Variants in CERKL observed in about 807,000 individuals in gnomAD.
CERKL encodes the protein ceramide kinase-like protein.
In CERKL, 61 loss-of-function variants were observed where a neutral mutation model predicts 63.4. The observed-to-expected ratio is 0.96, with a 90% CI of 0.78 to 1.19. The LOEUF (loss-of-function observed/expected upper bound fraction) is 1.19, where lower values mean the gene tolerates loss of function less well. CERKL is among the 50% of genes most tolerant of loss of function. The pLI, the probability that CERKL is intolerant of heterozygous loss-of-function variation, is 0.00. For synonymous variants in CERKL, 250 were observed against 230.5 expected (o/e 1.08, Z -0.77); for missense variants, 675 against 655.5 (o/e 1.03, Z -0.33).
At chr2:181,554,354 T>C (rs1574442944) in intron 5 of CERKL, among the ~76,000 whole-genome samples, 2 of 152,134 alleles carry the variant, frequency 1.3e-5, no homozygotes, top group East Asian at 3.9e-4. Context: ...ACCTACACTT[T>C]GGTTCTTTGC....
At chr2:181,620,397 T>C (rs928641760) in intron 1 of CERKL, among the ~76,000 whole-genome samples, 1 of 152,212 alleles carries the variant, frequency 6.6e-6, no homozygotes, top group Non-Finnish European at 1.5e-5. Flanking sequence ...CACAGCCCTC[T>C]AAATTGTCCA....
At chr2:181,546,279 A>C (rs1307994383) in intron 10 of CERKL, among the ~76,000 whole-genome samples, 1 of 152,154 alleles carries the variant, frequency 6.6e-6, no homozygotes, top group South Asian at 2.1e-4. Flanking sequence ...TTGTTCCCAG[A>C]AGAGCAGGTC....
chr2:181,589,482 CTA>C (rs528226548), intron 2 of CERKL, among the ~76,000 whole-genome samples: 1 of 152,150 alleles, frequency 6.6e-6, no homozygotes, highest in South Asian at 2.1e-4. Flanking sequence ...AGCTTTACGC[CTA>C]TGTTTTCTTT....
chr2:181,604,589 A>C (rs967142815), intron 1 of CERKL, among the ~76,000 whole-genome samples: 3 of 152,220 alleles, frequency 2.0e-5, no homozygotes, highest in African/African-American at 7.2e-5. Context: ...CCAAGAACAT[A>C]AACAAAGCGA....
chr2:181,636,993 T>C (rs1285807994), intron 1 of CERKL, among the ~76,000 whole-genome samples: 1 of 152,178 alleles, frequency 6.6e-6, no homozygotes, highest in Non-Finnish European at 1.5e-5. Flanking sequence ...TGGAACCTTC[T>C]AGAGACCCCA....
At chr2:181,634,859 A>G (rs1687107319) in intron 1 of CERKL, among the ~76,000 whole-genome samples, 1 of 152,194 alleles carries the variant, frequency 6.6e-6, no homozygotes, top group Non-Finnish European at 1.5e-5. Flanking sequence ...ATAACTTAGT[A>G]GTGTATTATC....
chr2:181,656,471 ACT>A (rs776484340), intron 1 of CERKL, among the ~76,000 whole-genome samples: 1 of 151,518 alleles, frequency 6.6e-6, no homozygotes, highest in Non-Finnish European at 1.5e-5. Flanking sequence ...TTCTGCTGAG[ACT>A]CTGAGCAAAA....
Position 181,565,378 on chromosome 2 carries a change from T to C in CERKL, c.677+680A>G. 5 of 1,267,224 alleles carry C rather than the reference T, an allele frequency of 3.9e-6. 1 individual carries two copies. The highest frequency in any genetic ancestry group is 3.6e-5 in the South Asian group (3 of 84,048). The allele number at this position is 1,267,224 out of a possible 1,614,324, so 78.5% of individuals were successfully genotyped here. A position where few individuals can be genotyped will look rare whatever the true frequency, so the allele number is the denominator to read the frequency against. On this transcript the variant is annotated intron_variant, in intron 4 of 12. Transcript: ENST00000410087. ...AGTCTTACACATCAGTCCAACACTTTAGCAAATTGGTTCACCTAATTTTAA... is the reference window on the plus strand; with the variant it reads ...AGTCTTACACATCAGTCCAACACTTCAGCAAATTGGTTCACCTAATTTTAA...
Position 181,656,872 on chromosome 2 carries a change from C to T in CERKL, c.135G>A (p.Arg45=), listed in dbSNP as rs1443342562. Residue 45 remains arginine, a synonymous_variant, in exon 1 of 13, where the codon CGG becomes CGA. Transcript: ENST00000410087. ...TCTCGAAGATGCCCCGGAGCAGAAT[C>T]CGCTCGGCCGCCGCCTCCGTCTGCT... ...SPQQTEAAAE[R]ILLRGIFEIG... is the part of the protein sequence containing the mutation. 1.6e-5 allele frequency: 26 copies of T among 1,604,934 alleles called. No homozygotes were observed. The highest frequency in any genetic ancestry group is 2.2e-5 in the Non-Finnish European group (26 of 1,174,466).
At chr2:181,577,859 A>G (rs1684321911) in intron 2 of CERKL, among the ~76,000 whole-genome samples, 1 of 152,142 alleles carries the variant, frequency 6.6e-6, no homozygotes, top group African/African-American at 2.4e-5. Flanking sequence ...GCTAATGTCA[A>G]AGCTGGGAAA....
In CERKL at chr2:181,558,884, G is replaced by A. The variant is rs1688319822; in HGVS notation, c.678-176C>T. Among the ~76,000 whole-genome samples the A allele has an allele frequency of 6.6e-6, 1 of 152,052 alleles. No homozygotes were observed. The highest frequency in any genetic ancestry group is 1.5e-5 in the Non-Finnish European group (1 of 68,014). On this transcript the variant is annotated intron_variant, in intron 4 of 12. Coordinates refer to ENST00000410087, the MANE Select transcript of CERKL (RefSeq NM_201548.5). This position sits in a 1 kb window ranked among gnomAD's most constrained non-coding sequence, Gnocchi z 4.2. ...GGTAAGACAACACAAACACAACACA[G>A]GTAAGTTTACTTCACAAATATAATA...
At chr2:181,555,707 A>G (rs1688172851) in intron 5 of CERKL, among the ~76,000 whole-genome samples, 1 of 151,976 alleles carries the variant, frequency 6.6e-6, no homozygotes, top group Admixed American at 6.6e-5. Flanking sequence ...TGACTTTTTA[A>G]AAGTTGATTC....
intron 5 of CERKL, among the ~76,000 whole-genome samples, chr2:181,557,629 G>A (rs947113590): frequency 1.2e-4 from 19 of 152,156 alleles, no homozygotes; most frequent in Admixed American, 2.0e-4. Flanking sequence ...CATTCCACAC[G>A]GTGAGGCAAA....
intron 2 of CERKL, 175 bp downstream of exon 2, chr2:181,603,662 C>A: frequency 1.4e-6 from 1 of 727,532 alleles, no homozygotes; most frequent in East Asian, 2.6e-5. Context: ...ATGATTATCT[C>A]AATTAATGTA....
At chr2:181,554,283 C>G (rs1688111859) in intron 5 of CERKL, among the ~76,000 whole-genome samples, 1 of 151,498 alleles carries the variant, frequency 6.6e-6, no homozygotes, top group Admixed American at 6.6e-5. Context: ...CACATCCAAA[C>G]AGATAAATGT....
chr2:181,567,686 C>T (rs1409036286), intron 3 of CERKL, among the ~76,000 whole-genome samples: 1 of 151,924 alleles, frequency 6.6e-6, no homozygotes, highest in Admixed American at 6.6e-5. Flanking sequence ...AGTCTTTGGC[C>T]TCAGGAATTT....
intron 1 of CERKL, among the ~76,000 whole-genome samples, chr2:181,637,189 T>C (rs1356317962): frequency 6.6e-6 from 1 of 152,178 alleles, no homozygotes; most frequent in East Asian, 1.9e-4. Context: ...ATAATGATTT[T>C]AAAAAGCAAA....
chr2:181,652,454 A>G (rs1012607609), intron 1 of CERKL, among the ~76,000 whole-genome samples: 2 of 152,226 alleles, frequency 1.3e-5, no homozygotes, highest in Non-Finnish European at 2.9e-5. Context: ...CAGAAGAATG[A>G]GATTAAACCC....
At position 181,648,706 on chromosome 2, in the gene CERKL, CA is replaced by C. The variant is rs1408027334; in HGVS notation, c.238+8062del. 8.5e-5 allele frequency among the ~76,000 whole-genome samples: 13 copies of C among 152,232 alleles called. No individual in the cohort carries two copies. In the East Asian group the frequency reaches 2.5e-3, roughly 29 times the overall value. On this transcript the variant is annotated intron_variant, in intron 1 of 12. Coordinates refer to ENST00000410087, the MANE Select transcript of CERKL (RefSeq NM_201548.5). ...ATCCTCTAGATGAAGGTTTAAAGTA[CA>C]ACTGGTCAAAAACAACAACAGCTAC...
Sources: gnomAD v4.1 joint callset for allele counts (sites outside exome capture counted in the v4.1 genomes callset) on GRCh38, gnomAD v4.1.1 for gene constraint, Gnocchi (gnomAD v3.1) non-coding constraint, MANE v1.5 for transcripts, NCBI Gene and HGNC (gene_info 2026-07-23, HGNC 2026-07-21) for gene names.